PHF3: variants seen among roughly 807,000 people sequenced by gnomAD.
PHF3 encodes the protein PHD finger protein 3.
In PHF3, 41 loss-of-function variants were observed where a neutral mutation model predicts 178.4. That is an observed-to-expected ratio of 0.23 (90% confidence interval 0.18 to 0.30). The LOEUF (loss-of-function observed/expected upper bound fraction) is 0.30, where lower values mean the gene tolerates loss of function less well. PHF3 is among the 10% of genes least tolerant of loss of function. The pLI, the probability that PHF3 is intolerant of heterozygous loss-of-function variation, is 1.00. For missense variants in PHF3, 2,346 were observed against 2,398.1 expected (o/e 0.98, Z 0.45); for synonymous variants, 842 against 800.5 (o/e 1.05, Z -0.88).
chr6:63,702,964 G>A (rs377344733), intron 10 of PHF3, among the ~76,000 whole-genome samples: 60 of 152,062 alleles, frequency 3.9e-4, no homozygotes, highest in African/African-American at 1.4e-3. Context: ...TGCAACCTCC[G>A]CCTCCCAGGT....
chr6:63,668,044 C>G (rs1765753364), intron 2 of PHF3, among the ~76,000 whole-genome samples: 1 of 152,168 alleles, frequency 6.6e-6, no homozygotes, highest in African/African-American at 2.4e-5. Context: ...CCTCATCAGC[C>G]TTTTTCCTAA....
intron 9 of PHF3, among the ~76,000 whole-genome samples, chr6:63,700,803 C>G (rs939667117): frequency 1.3e-5 from 2 of 152,068 alleles, no homozygotes; most frequent in Non-Finnish European, 2.9e-5. Context: ...AGGATGGTCT[C>G]GATCTCCTGA....
chr6:63,650,274 CT>C (rs1764968201), intron 2 of PHF3, among the ~76,000 whole-genome samples: 1 of 152,176 alleles, frequency 6.6e-6, no homozygotes, highest in East Asian at 1.9e-4. Flanking sequence ...CCTTTCAAGG[CT>C]GCATTATGGC....
intron 2 of PHF3, among the ~76,000 whole-genome samples, chr6:63,648,703 T>C (rs1764892017): frequency 6.6e-6 from 1 of 152,204 alleles, no homozygotes; most frequent in African/African-American, 2.4e-5. Flanking sequence ...GATTCTGTTA[T>C]CTTTTAAATG....
intron 2 of PHF3, among the ~76,000 whole-genome samples, chr6:63,670,023 G>C (rs921247913): frequency 6.6e-6 from 1 of 151,744 alleles, no homozygotes; most frequent in African/African-American, 2.4e-5. Flanking sequence ...TAATATACTT[G>C]ATGAAAGTTC....
Position 63,691,818 on chromosome 6 carries a change from G to A in PHF3, c.2271G>A (p.Met757Ile). The part of the protein sequence containing the change: ...VGLSLSQAQQ[M>I]GEEDKEYVCV... Reference sequence around the variant, plus strand: ...TAAGTCTTTCTCAAGCACAGCAGATGGGCGAGGAAGACAAAGAATATGTCT... The same window carrying A: ...TAAGTCTTTCTCAAGCACAGCAGATAGGCGAGGAAGACAAAGAATATGTCT... The change falls in exon 5 of 16, where the codon ATG becomes ATA. Residue 757 changes from methionine (M) to isoleucine (I), a missense_variant. By Grantham distance (10) the Met-to-Ile change is conservative. Transcript: ENST00000262043. 6.2e-7 allele frequency: 1 copy of A among 1,613,732 alleles called. No homozygotes were observed. Among genetic ancestry groups the A allele is most frequent in the Non-Finnish European group, 8.5e-7 (1 of 1,179,840 alleles).
chr6:63,692,786 A>C (rs1287148442), intron 5 of PHF3, among the ~76,000 whole-genome samples: 1 of 152,206 alleles, frequency 6.6e-6, no homozygotes, highest in Non-Finnish European at 1.5e-5. Flanking sequence ...AATCCATTGC[A>C]AGGGGATACA....
At chr6:63,654,858 A>AG (rs952932061) in intron 2 of PHF3, among the ~76,000 whole-genome samples, 22 of 147,218 alleles carry the variant, frequency 1.5e-4, no homozygotes, top group Non-Finnish European at 2.4e-4. Flanking sequence ...GTGGGGATTC[A>AG]GGCATCAGAT....
rs532978230 is a variant in PHF3, at chr6:63,642,818, C to A, written c.-25-3709C>A. On this transcript the variant is annotated intron_variant, in intron 1 of 15. Transcript: ENST00000262043. Reference sequence around the variant, plus strand: ...TAAATTAGACAATTTGTTTAATTAACAAAGATACTAAATTGGCTCCTAATT... The same window carrying A: ...TAAATTAGACAATTTGTTTAATTAAAAAAGATACTAAATTGGCTCCTAATT... Among the ~76,000 whole-genome samples, 3 of 152,196 alleles carry A rather than the reference C, an allele frequency of 2.0e-5. No individual in the cohort carries two copies. The South Asian group carries it at 6.2e-4, about 32-fold the overall frequency.
chr6:63,683,238 A>C lies in PHF3; in HGVS notation c.407-891A>C, dbSNP rs543604377. 8.6e-5 allele frequency among the ~76,000 whole-genome samples: 13 copies of C among 151,904 alleles called. No homozygotes were observed. In the South Asian group the frequency reaches 2.7e-3, roughly 32 times the overall value. On this transcript the variant is annotated intron_variant, in intron 3 of 15. Transcript: ENST00000262043. ...TCAGAACTACGAGCAACACCTGGAC[A>C]TTTACCTTTTTAAAGATTCTCACAG...
intron 2 of PHF3, among the ~76,000 whole-genome samples, chr6:63,659,431 TAAAA>T (rs763484857): frequency 2.6e-5 from 4 of 152,182 alleles, no homozygotes; most frequent in Non-Finnish European, 5.9e-5. Context: ...AGATGCAGCT[TAAAA>T]AGAAAGCACC....
chr6:63,661,917 G>A (rs1295696192), intron 2 of PHF3, among the ~76,000 whole-genome samples: 1 of 152,102 alleles, frequency 6.6e-6, no homozygotes. Context: ...CCAGACTGTG[G>A]GCCATGGACT....
At chr6:63,636,293 T>G (rs1764330872) in intron 1 of PHF3, 143 bp downstream of exon 1, 1 of 223,626 alleles carries the variant, frequency 4.5e-6, no homozygotes, top group Non-Finnish European at 8.7e-6. Flanking sequence ...AGCCGAGAGA[T>G]CGCCTCTCGG....
At position 63,712,939 on chromosome 6, in the gene PHF3, C is replaced by G. The variant is rs138201915; in HGVS notation, c.5351C>G (p.Ser1784Cys). The G allele has an allele frequency of 9.9e-6, 16 of 1,614,000 alleles. 1 individual carries two copies. In the African/African-American group the frequency reaches 1.7e-4, roughly 17 times the overall value. Residue 1784 changes from serine (S) to cysteine (C), a missense_variant, in exon 16 of 16, where the codon TCC becomes TGC. By Grantham distance (112) the Ser-to-Cys change is moderately radical. This residue lies in a region of PHF3 where 839 missense variants were observed against 806.9 expected (regional missense o/e 1.04). Coordinates refer to ENST00000262043, the MANE Select transcript of PHF3 (RefSeq NM_001370348.2). Reference sequence around the variant, plus strand: ...CCTTCTAAAAGCATCACCTTTACTTCCAGAAGCACCAGCCCCAGAACAAGT... The same window carrying G: ...CCTTCTAAAAGCATCACCTTTACTTGCAGAAGCACCAGCCCCAGAACAAGT... ...EFPSKSITFTSRSTSPRTSTN... is the reference protein window; with the variant it reads ...EFPSKSITFTCRSTSPRTSTN...
chr6:63,699,406 A>G (rs1030685459), intron 8 of PHF3, among the ~76,000 whole-genome samples: 1 of 152,194 alleles, frequency 6.6e-6, no homozygotes, highest in Admixed American at 6.5e-5. Flanking sequence ...TTTTCACACA[A>G]CTGATATAAA....
At chr6:63,709,058 A>C (rs1356362933) in intron 13 of PHF3, 93 bp from the exon 14 acceptor site, 1 of 627,226 alleles carries the variant, frequency 1.6e-6, no homozygotes, top group Non-Finnish European at 2.6e-6. Flanking sequence ...TACTGTTTCA[A>C]ATTAGTCTTA....
chr6:63,718,372 T>TC lies in PHF3; in HGVS notation c.*4665dup, dbSNP rs1167017884. Among the ~76,000 whole-genome samples the TC allele has an allele frequency of 6.6e-6, 1 of 152,060 alleles. No individual in the cohort carries two copies. Among genetic ancestry groups the TC allele is most frequent in the Non-Finnish European group, 1.5e-5 (1 of 67,942 alleles). ...CTTACACTCTTAAAAATTGAGAATG[T>TC]CAAAGCTTTTGTTTATATGGCTTAT... On this transcript the variant is annotated 3_prime_UTR_variant, in exon 16 of 16. Transcript: ENST00000262043.
chr6:63,701,270 A>G (rs1390498268), intron 9 of PHF3, among the ~76,000 whole-genome samples: 1 of 152,192 alleles, frequency 6.6e-6, no homozygotes, highest in African/African-American at 2.4e-5. Flanking sequence ...ATTCACAGAA[A>G]TATTGTATAT....
chr6:63,705,366 G>C (rs894686935), intron 11 of PHF3, among the ~76,000 whole-genome samples: 16 of 152,198 alleles, frequency 1.1e-4, no homozygotes, highest in Admixed American at 9.2e-4. Context: ...TACGGTCCAT[G>C]GCCTATTAGG....
Sources: gnomAD v4.1 joint callset for allele counts (sites outside exome capture counted in the v4.1 genomes callset) on GRCh38, gnomAD v4.1.1 for gene constraint, gnomAD v4.1.1 regional missense constraint, MANE v1.5 for transcripts, NCBI Gene and HGNC (gene_info 2026-07-23, HGNC 2026-07-21) for gene names.